The following EPB41L4B variants were observed in gnomAD, a reference collection of about 807,000 sequenced individuals.
EPB41L4B encodes the protein erythrocyte membrane protein band 4.1 like 4B.
EPB41L4B carries 30 observed loss-of-function variants against 112.5 expected under a neutral mutation model. The ratio of observed to expected loss-of-function variants is 0.27; its 90% CI spans 0.20 to 0.36. EPB41L4B has a LOEUF of 0.36. Among genes scored for constraint, EPB41L4B ranks in the 10% least tolerant of loss-of-function variants. EPB41L4B has a pLI of 1.00. For missense variants in EPB41L4B, 1,024 were observed against 1,133.3 expected (o/e 0.90, Z 1.38); for synonymous variants, 408 against 439.7 (o/e 0.93, Z 0.90).
At chr9:109,253,081 C>T (rs1275184056) in intron 12 of EPB41L4B, among the ~76,000 whole-genome samples, 1 of 152,140 alleles carries the variant, frequency 6.6e-6, no homozygotes, top group African/African-American at 2.4e-5. Flanking sequence ...GATGTCCACA[C>T]TTAAAATTGC....
intron 15 of EPB41L4B, among the ~76,000 whole-genome samples, chr9:109,237,404 T>C (rs769138097): frequency 6.6e-6 from 1 of 152,190 alleles, no homozygotes; most frequent in Non-Finnish European, 1.5e-5. Context: ...GATAAACCAG[T>C]ACATACCCGA....
chr9:109,199,226 C>T (rs1421957146), intron 20 of EPB41L4B, among the ~76,000 whole-genome samples: 1 of 152,122 alleles, frequency 6.6e-6, no homozygotes, highest in Non-Finnish European at 1.5e-5. Context: ...TGTTGACAGA[C>T]GGGGCTGCCT....
intron 19 of EPB41L4B, among the ~76,000 whole-genome samples, chr9:109,203,414 G>C (rs185879039): frequency 6.6e-6 from 1 of 152,308 alleles, no homozygotes; most frequent in African/African-American, 2.4e-5. Flanking sequence ...ACTTGCTTGA[G>C]TGACAACCCC....
At chr9:109,256,889 C>G (rs1281896715) in intron 7 of EPB41L4B, among the ~76,000 whole-genome samples, 1 of 152,180 alleles carries the variant, frequency 6.6e-6, no homozygotes, top group Non-Finnish European at 1.5e-5. Context: ...TTGCAGTGAG[C>G]CAAGATCCAA....
At chr9:109,208,538 G>C (rs1052881401) in intron 17 of EPB41L4B, among the ~76,000 whole-genome samples, 7 of 152,144 alleles carry the variant, frequency 4.6e-5, no homozygotes, top group Non-Finnish European at 8.8e-5. Context: ...GCTTATTGTA[G>C]AGTGTCTTGT....
rs768700716 is a variant in EPB41L4B at position 109,243,667 on chromosome 9, T to G, written c.1360A>C (p.Asn454His). The stretch of plus-strand genomic sequence containing the variant: ...CACCGGGGCTGGCTGGGATGGATAT[T>G]AGGATGATATTGAGGCTAGAAATAA... ...VHNYQPQYHP[N>H]IHPSQPRWHP... is the part of the protein sequence containing the mutation. The change falls in exon 15 of 26, where the codon AAT (asparagine) becomes CAT (histidine). Residue 454 changes from asparagine to histidine, a missense_variant. Coordinates refer to ENST00000374566, the MANE Select transcript of EPB41L4B (RefSeq NM_019114.5). The G allele has an allele frequency of 1.2e-6, 2 of 1,614,072 alleles. No homozygotes were observed. Among genetic ancestry groups the G allele is most frequent in the African/African-American group, 2.7e-5 (2 of 74,934 alleles).
intron 1 of EPB41L4B, among the ~76,000 whole-genome samples, chr9:109,290,450 G>A (rs1322020318): frequency 6.6e-6 from 1 of 152,032 alleles, no homozygotes; most frequent in Non-Finnish European, 1.5e-5. Context: ...AGTCTGGTTT[G>A]GGGACTTTTG....
chr9:109,289,218 T>C (rs564667030), intron 1 of EPB41L4B, among the ~76,000 whole-genome samples: 1 of 152,300 alleles, frequency 6.6e-6, no homozygotes, highest in Non-Finnish European at 1.5e-5. Flanking sequence ...GGACCCTACA[T>C]GTACCCTAGG....
intron 1 of EPB41L4B, among the ~76,000 whole-genome samples, chr9:109,299,427 C>T (rs1401416141): frequency 1.3e-5 from 2 of 152,094 alleles, no homozygotes; most frequent in African/African-American, 2.4e-5. Flanking sequence ...AGGCATGCAC[C>T]ACCATGCCTA....
intron 24 of EPB41L4B, among the ~76,000 whole-genome samples, chr9:109,178,722 A>G (rs116612509): frequency 0.028 from 4,212 of 152,100 alleles, 94 homozygotes; most frequent in African/African-American, 0.055. Context: ...GATTACAGGC[A>G]TGAGCTACTG....
chr9:109,241,553 A>C, intron 15 of EPB41L4B: 3 of 1,535,138 alleles, frequency 2.0e-6, no homozygotes. Context: ...TTTCAGGACT[A>C]CTCCTTAAAG....
intron 15 of EPB41L4B, 86 bp from the exon 16 acceptor site, chr9:109,217,231 T>A: frequency 8.6e-7 from 1 of 1,157,328 alleles, no homozygotes; most frequent in Non-Finnish European, 1.3e-6. Flanking sequence ...TTCTAGGCAT[T>A]AAACACTGAA....
Sources: gnomAD v4.1 joint callset for allele counts (sites outside exome capture counted in the v4.1 genomes callset) on GRCh38, gnomAD v4.1.1 for gene constraint, MANE v1.5 for transcripts, NCBI Gene and HGNC (gene_info 2026-07-23, HGNC 2026-07-21) for gene names.